The following SNRNP70 variants were observed in gnomAD, a reference collection of about 807,000 sequenced individuals.
SNRNP70 encodes the protein U1 small nuclear ribonucleoprotein 70 kDa.
In SNRNP70, 8 loss-of-function variants were observed where a neutral mutation model predicts 50.5. That is an observed-to-expected ratio of 0.16 (90% CI 0.09 to 0.29). The LOEUF is 0.29. Among genes scored for constraint, SNRNP70 ranks in the 10% least tolerant of loss-of-function variants. The probability of loss-of-function intolerance (pLI) is 1.00; values close to 1 mark genes in which losing one functional copy is unlikely to be tolerated. For missense variants in SNRNP70, 529 were observed against 663.5 expected, an observed-to-expected ratio of 0.80 and a Z score of 2.23; for synonymous variants, 320 against 252.9, an observed-to-expected ratio of 1.27 and a Z score of -2.52.
chr19:49,096,575 G>A (rs1279084339), intron 4 of SNRNP70, among the ~76,000 whole-genome samples: 3 of 151,616 alleles, frequency 2.0e-5, no homozygotes, highest in Non-Finnish European at 4.4e-5. Context: ...AAACCAGCCT[G>A]GCCAACATAG....
Position 49,107,172 on chromosome 19 carries a change from G to C in SNRNP70, c.578-453G>C, listed in dbSNP as rs901710774. On this transcript the variant is annotated intron_variant, in intron 8 of 9. Transcript: ENST00000598441. The surrounding 1 kb of genome is among the most constrained non-coding windows in gnomAD (Gnocchi z 6.0). ...ACACGCAGCCAAGAGCCGCGGCTCA[G>C]ACGCTAGCAGGGCCCGCTCTTGCTG... Among the ~76,000 whole-genome samples the C allele has an allele frequency of 3.9e-5, 6 of 152,218 alleles. No individual in the cohort carries two copies. Among genetic ancestry groups the C allele is most frequent in the African/African-American group, 1.4e-4 (6 of 41,458 alleles).
At position 49,086,120 on chromosome 19, in the gene SNRNP70, A is replaced by G. The variant is rs369915081; in HGVS notation, c.-10-285A>G. 7.9e-5 allele frequency among the ~76,000 whole-genome samples: 12 copies of G among 152,268 alleles called. No homozygotes were observed. The East Asian group carries it at 1.4e-3, about 17-fold the overall frequency. ...GTCCTTGATTTCCCCAGAAATTCCCAGGGAACCTCTCCGCCCCACAGCTCG... is the reference window on the plus strand; with the variant it reads ...GTCCTTGATTTCCCCAGAAATTCCCGGGGAACCTCTCCGCCCCACAGCTCG... On this transcript the variant is annotated intron_variant, in intron 1 of 9. Transcript: ENST00000598441.
chr19:49,094,390 T>C (rs1486344619), intron 4 of SNRNP70, among the ~76,000 whole-genome samples: 2 of 152,022 alleles, frequency 1.3e-5, no homozygotes, highest in Non-Finnish European at 2.9e-5. Flanking sequence ...TTGCAACTAC[T>C]TGGGAGGCTG....
Position 49,108,064 on chromosome 19 carries a change from G to T in SNRNP70, c.935G>T (p.Gly312Val), listed in dbSNP as rs377616933. ...GAGCGCAAGGAGGAGCTGCGTGGCG[G>T]CGGTGGCGACATGGCGGAGCCCTCC... ...ERERKEELRG[G>V]GGDMAEPSEA... The change falls in exon 10 of 10, where the codon GGC becomes GTC. Residue 312 changes from glycine to valine, a missense_variant. Gly to Val is a moderately radical substitution (Grantham distance 109, BLOSUM62 -3). This residue lies in a region of SNRNP70 where 327 missense variants were observed against 308.8 expected (regional missense o/e 1.06). Coordinates refer to ENST00000598441, the MANE Select transcript of SNRNP70 (RefSeq NM_003089.6). 2.2e-4 allele frequency: 346 copies of T among 1,552,412 alleles called. No homozygotes were observed. In the Admixed American group the frequency reaches 2.3e-3, roughly 10 times the overall value.
At chr19:49,094,224 G>A (rs1443371210) in intron 4 of SNRNP70, among the ~76,000 whole-genome samples, 1 of 152,120 alleles carries the variant, frequency 6.6e-6, no homozygotes, top group African/African-American at 2.4e-5. Flanking sequence ...AAATAATCCA[G>A]CCGGTCGTGG....
At chr19:49,086,342 G>GT (rs1415707202) in intron 1 of SNRNP70, 63 bp from the exon 2 acceptor site, 7 of 1,509,232 alleles carry the variant, frequency 4.6e-6, no homozygotes, top group Non-Finnish European at 6.2e-6. Flanking sequence ...GAGTCAAGGA[G>GT]TAACAGGGGC....
At chr19:49,099,233 A>G (rs1287406979) in intron 6 of SNRNP70, among the ~76,000 whole-genome samples, 3 of 152,138 alleles carry the variant, frequency 2.0e-5, no homozygotes, top group Non-Finnish European at 4.4e-5. Context: ...CTACACACAA[A>G]CTGATGTTAG....
At position 49,104,411 on chromosome 19, in the gene SNRNP70, G is replaced by T. The variant is rs534883224; in HGVS notation, c.476-223G>T. On this transcript the variant is annotated intron_variant, in intron 7 of 9. Coordinates refer to ENST00000598441, the MANE Select transcript of SNRNP70 (RefSeq NM_003089.6). This position sits in a 1 kb window ranked among gnomAD's most constrained non-coding sequence, Gnocchi z 5.4. ...GAGGGTGGACGTCTCCCCCGACCAGGAGTGGTTGGGGCGCTGAGAGGAAGC... is the reference window on the plus strand; with the variant it reads ...GAGGGTGGACGTCTCCCCCGACCAGTAGTGGTTGGGGCGCTGAGAGGAAGC... 162 of 532,116 alleles carry T rather than the reference G, an allele frequency of 3.0e-4. No individual in the cohort carries two copies. Among genetic ancestry groups the T allele is most frequent in the Non-Finnish European group, 4.6e-4 (137 of 296,370 alleles). 33.0% of individuals were successfully genotyped at this position (532,116 alleles called of 1,614,324 possible). A position where few individuals can be genotyped will look rare whatever the true frequency, so the allele number is the denominator to read the frequency against.
Position 49,101,455 on chromosome 19 carries a change from C to T in SNRNP70, c.459C>T (p.His153=), listed in dbSNP as rs760799970. The change falls in exon 7 of 10, where the codon CAC becomes CAT. Residue 153 remains histidine, a synonymous_variant. Transcript: ENST00000598441. ...PRGYAFIEYE[H]ERDMHSAYKH... ...GCTATGCCTTCATCGAGTACGAACACGAGCGAGACATGCACTGTGAGTACC... is the reference window on the plus strand; with the variant it reads ...GCTATGCCTTCATCGAGTACGAACATGAGCGAGACATGCACTGTGAGTACC... The T allele has an allele frequency of 2.7e-5, 43 of 1,613,384 alleles. No homozygotes were observed. The highest frequency in any genetic ancestry group is 3.3e-5 in the South Asian group (3 of 91,072).
chr19:49,096,469 T>C (rs1474626232), intron 4 of SNRNP70, among the ~76,000 whole-genome samples: 1 of 152,104 alleles, frequency 6.6e-6, no homozygotes, highest in Non-Finnish European at 1.5e-5. Flanking sequence ...GCTTCTGTTT[T>C]CTAAAATATT....
chr19:49,101,483 C>T lies in SNRNP70; in HGVS notation c.475+12C>T, dbSNP rs1053683852. ...GCGAGACATGCACTGTGAGTACCTC[C>T]CGCCGAGCCCTGCCCTCTGACCTGC... On this transcript the variant is annotated intron_variant, in intron 7 of 9. Coordinates refer to ENST00000598441, the MANE Select transcript of SNRNP70 (RefSeq NM_003089.6). The T allele has an allele frequency of 1.2e-6, 2 of 1,601,092 alleles. No individual in the cohort carries two copies. The highest frequency in any genetic ancestry group is 1.3e-5 in the African/African-American group (1 of 74,766).
At chr19:49,086,256 G>T in intron 1 of SNRNP70, 149 bp from the exon 2 acceptor site, 2 of 798,988 alleles carry the variant, frequency 2.5e-6, no homozygotes, top group Non-Finnish European at 3.7e-6. Context: ...CCTTTTCTCC[G>T]CAACACAGGA....
At position 49,086,559 on chromosome 19, in the gene SNRNP70, G is replaced by C; in HGVS notation, c.145G>C (p.Glu49Gln). 6.2e-7 allele frequency: 1 copy of C among 1,613,944 alleles called. No homozygotes were observed. ...CATTGCGCCGTACATTCGAGAGTTT[G>C]AGGTGAGTTCACTGAGCAGGCCAGG... ...CGIAPYIREF[E>Q]DPRDAPPPTR... The change falls in exon 2 of 10, where the codon GAG becomes CAG. Residue 49 changes from glutamate to glutamine, a missense_variant and splice_region_variant. Glu to Gln is a conservative substitution (Grantham distance 29). Transcript: ENST00000598441.
Position 49,088,989 on chromosome 19 carries a change from A to G in SNRNP70, c.148-1302A>G, listed in dbSNP as rs2040416314. Among the ~76,000 whole-genome samples, 3 of 152,164 alleles carry G rather than the reference A, an allele frequency of 2.0e-5. No individual in the cohort carries two copies. The South Asian group carries it at 6.2e-4, about 32-fold the overall frequency. ...ATCACATCCTCTGGCACTTTGTTCA[A>G]TGTGAGTGATACTTGGAGCTGTGAG... On this transcript the variant is annotated intron_variant, in intron 2 of 9. Coordinates refer to ENST00000598441, the MANE Select transcript of SNRNP70 (RefSeq NM_003089.6).
intron 2 of SNRNP70, 70 bp downstream of exon 2, chr19:49,086,631 C>T: frequency 1.4e-6 from 2 of 1,448,804 alleles, no homozygotes; most frequent in Admixed American, 1.8e-5. Flanking sequence ...GCGAGTCCAG[C>T]TTCTGGCCAT....
intron 7 of SNRNP70, chr19:49,102,213 C>T (rs531735962): frequency 3.1e-6 from 4 of 1,281,280 alleles, no homozygotes; most frequent in African/African-American, 3.0e-5. Context: ...GATCACTCAG[C>T]ACCGCACACC....
In SNRNP70 at chr19:49,104,782, G is replaced by C. The variant is rs1202972853; in HGVS notation, c.577+47G>C. The C allele has an allele frequency of 7.8e-7, 1 of 1,288,676 alleles. No individual in the cohort carries two copies. The highest frequency in any genetic ancestry group is 1.1e-6 in the Non-Finnish European group (1 of 943,184). 79.8% of individuals were successfully genotyped at this position (1,288,676 alleles called of 1,614,324 possible). ...CGGGCTCTCGGGGGCCCTGGGCCTG[G>C]TGGCCTTGTTCTCCCTTCTCTGCTG... On this transcript the variant is annotated intron_variant, in intron 8 of 9. Transcript: ENST00000598441. The surrounding 1 kb of genome is among the most constrained non-coding windows in gnomAD (Gnocchi z 5.4).
chr19:49,086,727 G>A (rs1383817750), intron 2 of SNRNP70, among the ~76,000 whole-genome samples, 166 bp downstream of exon 2: 1 of 152,044 alleles, frequency 6.6e-6, no homozygotes, highest in African/African-American at 2.4e-5. Context: ...GCCGGGTGTC[G>A]GGTGTGGTCG....
At chr19:49,105,532 G>T (rs1190161662) in intron 8 of SNRNP70, among the ~76,000 whole-genome samples, 1 of 151,966 alleles carries the variant, frequency 6.6e-6, no homozygotes, top group African/African-American at 2.4e-5. Context: ...TTCGAGACCA[G>T]CCTGGCCAAG....
Sources: allele counts gnomAD v4.1 joint callset (sites outside exome capture counted in the v4.1 genomes callset), GRCh38; gene constraint gnomAD v4.1.1; regional missense constraint gnomAD v4.1.1; non-coding constraint Gnocchi (gnomAD v3.1); transcripts MANE v1.5; gene names NCBI Gene and HGNC (gene_info 2026-07-23, HGNC 2026-07-21).